Variants in CEP135 observed in about 807,000 individuals in gnomAD.
CEP135 encodes centrosomal protein 135.
A neutral mutation model predicts 157.3 loss-of-function variants in CEP135; 142 were observed. That is an observed-to-expected ratio of 0.90 (90% CI 0.79 to 1.04). CEP135 has a LOEUF of 1.04. Ranked by LOEUF, CEP135 falls within the 50% of genes least tolerant of loss-of-function variation. The pLI is 0.00. For synonymous variants in CEP135, 396 were observed against 439.8 expected (o/e 0.90, Z 1.25); for missense variants, 1,317 against 1,309.2 (o/e 1.01, Z -0.09).
chr4:55,991,710 G>A (rs1293169738), intron 14 of CEP135, among the ~76,000 whole-genome samples: 1 of 151,674 alleles, frequency 6.6e-6, no homozygotes, highest in African/African-American at 2.4e-5. Flanking sequence ...TTTTCTCTTC[G>A]TGCTTTTTAT....
chr4:56,026,037 C>T (rs1213545643), intron 25 of CEP135, among the ~76,000 whole-genome samples: 3 of 151,954 alleles, frequency 2.0e-5, no homozygotes, highest in African/African-American at 7.2e-5. Context: ...GGTGAAACCC[C>T]GTCTCTACTA....
rs1729157320 is a variant in CEP135 at position 55,975,085 on chromosome 4, A to G, written c.1473+116A>G. ...CTTGCTTTGAAAAATCCTGATTTTG[A>G]TTCTTGTTTTCTTTTATGGCCTGCA... On this transcript the variant is annotated intron_variant, in intron 11 of 25. Coordinates refer to ENST00000257287, the MANE Select transcript of CEP135 (RefSeq NM_025009.5). 13 of 753,064 alleles carry G rather than the reference A, an allele frequency of 1.7e-5. No homozygotes were observed. The South Asian group carries it at 2.8e-4, about 16-fold the overall frequency. 46.6% of individuals were successfully genotyped at this position (753,064 alleles called of 1,614,324 possible).
intron 15 of CEP135, among the ~76,000 whole-genome samples, chr4:55,998,668 C>A (rs1030304491): frequency 2.6e-5 from 4 of 152,134 alleles, no homozygotes; most frequent in Admixed American, 1.3e-4. Flanking sequence ...AGTTTGAGAC[C>A]AGCCTGGGCA....
At chr4:55,979,788 T>C (rs1295875766) in intron 11 of CEP135, among the ~76,000 whole-genome samples, 4 of 152,206 alleles carry the variant, frequency 2.6e-5, no homozygotes, top group African/African-American at 9.7e-5. Context: ...AAAATTTGCA[T>C]GTCTGACAAG....
Position 55,965,799 on chromosome 4 carries a change from G to A in CEP135, c.984G>A (p.Gln328=). ...CTGAAATAGATCAGTTAGCACAGCA[G>A]TTGGAAAGACATAAAGAAGAAGTGC... ...ELTEIDQLAQ[Q]LERHKEEVLE... is the part of the protein sequence containing the mutation. Residue 328 remains glutamine, a synonymous_variant, in exon 8 of 26, where the codon CAG becomes CAA. Coordinates refer to ENST00000257287, the MANE Select transcript of CEP135 (RefSeq NM_025009.5). The A allele has an allele frequency of 6.2e-7, 1 of 1,613,812 alleles. No individual in the cohort carries two copies. Among genetic ancestry groups the A allele is most frequent in the Non-Finnish European group, 8.5e-7 (1 of 1,179,834 alleles).
At chr4:56,024,298 T>C (rs924144546) in intron 24 of CEP135, among the ~76,000 whole-genome samples, 2 of 150,716 alleles carry the variant, frequency 1.3e-5, no homozygotes, top group East Asian at 1.9e-4. Context: ...AGCAAGATGC[T>C]CCTCACTATA....
Position 55,988,084 on chromosome 4 carries a change from T to C in CEP135, c.1857+2726T>C, listed in dbSNP as rs75072394. Among the ~76,000 whole-genome samples, 842 of 152,288 alleles carry C rather than the reference T, an allele frequency of 5.5e-3. 2 individuals are homozygous for C. Among genetic ancestry groups the C allele is most frequent in the South Asian group, 0.011 (55 of 4,820 alleles). ...CTTTATAGGAAACATTATGCAACCA[T>C]ATTGAAAGTCATTAAAGAAAGCCTA... On this transcript the variant is annotated intron_variant, in intron 14 of 25. Transcript: ENST00000257287.
chr4:55,999,734 T>C lies in CEP135; in HGVS notation c.2280+89T>C, dbSNP rs183251135. 90 of 1,361,122 alleles carry C rather than the reference T, an allele frequency of 6.6e-5. 2 individuals are homozygous for C. The East Asian group carries it at 2.0e-3, about 30-fold the overall frequency. 84.3% of individuals were successfully genotyped at this position (1,361,122 alleles called of 1,614,324 possible). On this transcript the variant is annotated intron_variant, in intron 17 of 25. Coordinates refer to ENST00000257287, the MANE Select transcript of CEP135 (RefSeq NM_025009.5). ...TTGAGATGGGGTCTCACTCTGTCAC[T>C]CAGGCTGGAGTGCAGTGGCATGATC...
At chr4:55,978,161 A>G (rs1455111566) in intron 11 of CEP135, among the ~76,000 whole-genome samples, 1 of 152,180 alleles carries the variant, frequency 6.6e-6, no homozygotes, top group Non-Finnish European at 1.5e-5. Context: ...CAGTCAGTAA[A>G]TGTTCAGGGA....
chr4:55,954,432 C>T lies in CEP135; in HGVS notation c.472+49C>T, dbSNP rs540741521. The stretch of plus-strand genomic sequence containing the variant: ...AAATTATACACATTTAATCTTTTAA[C>T]GATATTAACACCATTGACTAAAATA... On this transcript the variant is annotated intron_variant, in intron 4 of 25. Transcript: ENST00000257287. 3.3e-5 allele frequency: 49 copies of T among 1,492,934 alleles called. No homozygotes were observed. The South Asian group carries it at 4.6e-4, about 14-fold the overall frequency. The allele number at this position is 1,492,934 out of a possible 1,614,324, so 92.5% of individuals were successfully genotyped here.
At chr4:55,993,081 A>C (rs762811109) in intron 15 of CEP135, among the ~76,000 whole-genome samples, 2 of 152,170 alleles carry the variant, frequency 1.3e-5, no homozygotes. Context: ...GATTATAGTA[A>C]TGACACTTTA....
In CEP135 at chr4:55,954,319, A is replaced by G. The variant is rs768451740; in HGVS notation, c.408A>G (p.Lys136=). The change falls in exon 4 of 26, where the codon AAA becomes AAG. Residue 136 remains lysine (K), a synonymous_variant. Transcript: ENST00000257287. ...HKLKLLEKES[K]AKNERIQQLQ... ...TCAAACTGTTGGAGAAAGAGAGCAA[A>G]GCTAAGAATGAAAGAATTCAACAAC... 1.9e-6 allele frequency: 3 copies of G among 1,610,938 alleles called. No homozygotes were observed. The highest frequency in any genetic ancestry group is 4.5e-5 in the East Asian group (2 of 44,726).
At position 55,970,896 on chromosome 4, in the gene CEP135, G is replaced by C. The variant is rs531145953; in HGVS notation, c.1111-374G>C. On this transcript the variant is annotated intron_variant, in intron 9 of 25. Transcript: ENST00000257287. ...GCATATGAGGCTGAGAGAATAACCA[G>C]TATAGTTATAGATACACTGTGTGTG... Among the ~76,000 whole-genome samples, 3 of 152,176 alleles carry C rather than the reference G, an allele frequency of 2.0e-5. No individual in the cohort carries two copies. The South Asian group carries it at 6.2e-4, about 32-fold the overall frequency.
chr4:55,992,050 C>T lies in CEP135; in HGVS notation c.1974C>T (p.Asp658=). 6.2e-7 allele frequency: 1 copy of T among 1,604,642 alleles called. No individual in the cohort carries two copies. Among genetic ancestry groups the T allele is most frequent in the Admixed American group, 1.7e-5 (1 of 57,452 alleles). ...QAQKFSHVAG[D]SSHQKTEVNS... ...AAAAATTTAGCCATGTGGCTGGTGA[C>T]TCATCTCATCAGAAAACAGAGGTGA... The change falls in exon 15 of 26, where the codon GAC becomes GAT. Residue 658 remains aspartate (D), a synonymous_variant. Transcript: ENST00000257287.
At chr4:56,011,374 T>C (rs371775769) in intron 19 of CEP135, 38 bp from the exon 20 acceptor site, 1 of 1,297,488 alleles carries the variant, frequency 7.7e-7, no homozygotes, top group Non-Finnish European at 1.1e-6. Flanking sequence ...TTTGGTGTTG[T>C]GTTCATTTTA....
rs1728622810 is a variant in CEP135 at position 55,959,731 on chromosome 4, A to G, written c.664A>G (p.Met222Val). 1.2e-6 allele frequency: 2 copies of G among 1,614,152 alleles called. No homozygotes were observed. Among genetic ancestry groups the G allele is most frequent in the African/African-American group, 1.3e-5 (1 of 75,064 alleles). ...EVHQLQEKLAMMESGVRDYSK... is the reference protein window; with the variant it reads ...EVHQLQEKLAVMESGVRDYSK... Reference sequence around the variant, plus strand: ...CCACCAGCTACAAGAAAAGTTAGCAATGATGGAAAGTGGGGTGAGAGACTA... The same window carrying G: ...CCACCAGCTACAAGAAAAGTTAGCAGTGATGGAAAGTGGGGTGAGAGACTA... The change falls in exon 6 of 26, where the codon ATG becomes GTG. Residue 222 changes from methionine (M) to valine (V), a missense_variant. Met to Val is a conservative substitution (Grantham distance 21). Transcript: ENST00000257287.
intron 11 of CEP135, among the ~76,000 whole-genome samples, chr4:55,978,349 T>C (rs1205555489): frequency 2.0e-5 from 3 of 152,204 alleles, no homozygotes; most frequent in African/African-American, 4.8e-5. Flanking sequence ...ATAATGTGTT[T>C]ATGAAGAAAG....
intron 25 of CEP135, among the ~76,000 whole-genome samples, chr4:56,025,919 A>AT (rs960889492): frequency 1.3e-5 from 2 of 151,950 alleles, no homozygotes; most frequent in Non-Finnish European, 1.5e-5. Flanking sequence ...AAAAAAAAAA[A>AT]AAATAGGCCA....
intron 13 of CEP135, among the ~76,000 whole-genome samples, chr4:55,983,502 TC>T (rs1729477652): frequency 6.6e-6 from 1 of 152,186 alleles, no homozygotes. Context: ...TATCTCTCAA[TC>T]ACCAGGTCCT....
Sources: allele counts gnomAD v4.1 joint callset (sites outside exome capture counted in the v4.1 genomes callset), GRCh38; gene constraint gnomAD v4.1.1; transcripts MANE v1.5; gene names NCBI Gene and HGNC (gene_info 2026-07-23, HGNC 2026-07-21).